Variants in ARHGAP31 observed in about 807,000 individuals in gnomAD.
ARHGAP31 encodes Rho GTPase activating protein 31.
In ARHGAP31, 34 loss-of-function variants were observed where a neutral mutation model predicts 113.9. That is an observed-to-expected ratio of 0.30 (90% CI 0.23 to 0.40). The LOEUF is 0.40. Among genes scored for constraint, ARHGAP31 ranks in the 10% least tolerant of loss-of-function variants. The pLI is 1.00. For missense variants in ARHGAP31, 1,548 were observed against 1,767.1 expected (o/e 0.88, Z 2.22); for synonymous variants, 650 against 684.8 (o/e 0.95, Z 0.79).
chr3:119,407,850 G>A (rs546762180), intron 10 of ARHGAP31, among the ~76,000 whole-genome samples: 103 of 152,230 alleles, frequency 6.8e-4, no homozygotes, highest in Middle Eastern at 3.4e-3. Flanking sequence ...TATATACAGT[G>A]GGCCCTCGAC....
intron 1 of ARHGAP31, among the ~76,000 whole-genome samples, chr3:119,357,468 G>C (rs922857139): frequency 8.5e-5 from 13 of 152,118 alleles, no homozygotes; most frequent in African/African-American, 3.1e-4. Context: ...CTGGCAGGGG[G>C]GAGTGTGGCC....
intron 1 of ARHGAP31, among the ~76,000 whole-genome samples, chr3:119,336,828 C>T (rs577505339): frequency 1.5e-4 from 23 of 152,338 alleles, no homozygotes; most frequent in African/African-American, 4.6e-4. Flanking sequence ...TTCCCACCTA[C>T]TCTCCCGGCC....
chr3:119,388,164 G>A (rs2080469438), intron 6 of ARHGAP31, among the ~76,000 whole-genome samples: 1 of 151,966 alleles, frequency 6.6e-6, no homozygotes, highest in Non-Finnish European at 1.5e-5. Context: ...ATGAGTTATG[G>A]GTGTTGGGAG....
chr3:119,396,303 G>C (rs2080550027), intron 8 of ARHGAP31, among the ~76,000 whole-genome samples: 1 of 152,188 alleles, frequency 6.6e-6, no homozygotes, highest in Non-Finnish European at 1.5e-5. Flanking sequence ...CTGAGTATTG[G>C]TAATTTTCTA....
intron 1 of ARHGAP31, among the ~76,000 whole-genome samples, chr3:119,318,151 C>T (rs2079750785): frequency 6.6e-6 from 1 of 152,032 alleles, no homozygotes; most frequent in Non-Finnish European, 1.5e-5. Flanking sequence ...ATGCCTGTGT[C>T]CCCAGCTACT....
intron 1 of ARHGAP31, among the ~76,000 whole-genome samples, chr3:119,310,566 A>C (rs2079670537): frequency 6.6e-6 from 1 of 152,204 alleles, no homozygotes; most frequent in Admixed American, 6.5e-5. Context: ...TAGGAGCGCC[A>C]ATCCTATTGT....
At position 119,361,803 on chromosome 3, in the gene ARHGAP31, T is replaced by C. The variant is rs150857431; in HGVS notation, c.101-3513T>C. Among the ~76,000 whole-genome samples, 36 of 152,272 alleles carry C rather than the reference T, an allele frequency of 2.4e-4. No homozygotes were observed. The East Asian group carries it at 6.6e-3, about 28-fold the overall frequency. ...CTAGAGCTGGATGATTACACAGAGA[T>C]TGAGTCCTTTCCCATTACTGAGTAA... On this transcript the variant is annotated intron_variant, in intron 1 of 11. Transcript: ENST00000264245.
At chr3:119,315,815 G>A (rs1428381246) in intron 1 of ARHGAP31, among the ~76,000 whole-genome samples, 1 of 152,194 alleles carries the variant, frequency 6.6e-6, no homozygotes, top group Non-Finnish European at 1.5e-5. Context: ...ATTTTATTTG[G>A]TTTGTAAAAG....
intron 6 of ARHGAP31, 27 bp from the exon 7 acceptor site, chr3:119,390,758 C>T: frequency 3.7e-6 from 6 of 1,608,370 alleles, no homozygotes; most frequent in Non-Finnish European, 5.1e-6. Flanking sequence ...CCTCCTCCAA[C>T]ACTGAGCTCT....
At chr3:119,335,990 T>C (rs1197108240) in intron 1 of ARHGAP31, among the ~76,000 whole-genome samples, 1 of 152,126 alleles carries the variant, frequency 6.6e-6, no homozygotes, top group Non-Finnish European at 1.5e-5. Flanking sequence ...CTAGACATCA[T>C]GGTGAAATCC....
intron 3 of ARHGAP31, among the ~76,000 whole-genome samples, chr3:119,370,874 A>G (rs929429135): frequency 6.6e-6 from 1 of 152,178 alleles, no homozygotes; most frequent in African/African-American, 2.4e-5. Flanking sequence ...AAATCATGGA[A>G]GTAGATTTGC....
chr3:119,345,678 T>G (rs564955381), intron 1 of ARHGAP31, among the ~76,000 whole-genome samples: 116 of 152,236 alleles, frequency 7.6e-4, no homozygotes, highest in Non-Finnish European at 1.4e-3. Context: ...CAAAGGAAGC[T>G]GGGAAGCCTT....
Position 119,294,559 on chromosome 3 carries a change from C to T in ARHGAP31, c.-346C>T. 1 of 483,770 alleles carries T rather than the reference C, an allele frequency of 2.1e-6. No homozygotes were observed. The allele number at this position is 483,770 out of a possible 1,614,324, so 30.0% of individuals were successfully genotyped here. On this transcript the variant is annotated 5_prime_UTR_variant, in exon 1 of 12. Coordinates refer to ENST00000264245, the MANE Select transcript of ARHGAP31 (RefSeq NM_020754.4). ...TAGTAAGGGGTGGGGAGAGCTTGCC[C>T]TCCCTCTTAAGCTGAGGAGAAACAC...
chr3:119,318,002 G>C (rs6803331), intron 1 of ARHGAP31, among the ~76,000 whole-genome samples: 1 of 151,922 alleles, frequency 6.6e-6, no homozygotes, highest in Admixed American at 6.6e-5. Context: ...GTTTGTTCAC[G>C]GTTTTTAAAT....
intron 1 of ARHGAP31, among the ~76,000 whole-genome samples, chr3:119,360,736 A>G (rs1333982894): frequency 6.6e-6 from 1 of 152,230 alleles, no homozygotes; most frequent in Non-Finnish European, 1.5e-5. Context: ...TCCCTCAGAA[A>G]CCTCTTCAAG....
chr3:119,334,247 C>T (rs1056748840), intron 1 of ARHGAP31, among the ~76,000 whole-genome samples: 2 of 152,140 alleles, frequency 1.3e-5, no homozygotes, highest in South Asian at 2.1e-4. Context: ...GCCCCCACTC[C>T]AGCCCCCACC....
intron 7 of ARHGAP31, among the ~76,000 whole-genome samples, chr3:119,392,769 A>G (rs1358346529): frequency 2.6e-5 from 4 of 151,938 alleles, no homozygotes; most frequent in African/African-American, 7.3e-5. Context: ...GCAGGCTGCT[A>G]CTCTCCTCAG....
chr3:119,411,340 G>A (rs1007903467), intron 11 of ARHGAP31, among the ~76,000 whole-genome samples: 18 of 152,174 alleles, frequency 1.2e-4, no homozygotes, highest in African/African-American at 4.1e-4. Context: ...GAGAAAAGCT[G>A]GAGGTGTAGA....
chr3:119,319,000 G>A (rs755886536), intron 1 of ARHGAP31, among the ~76,000 whole-genome samples: 2 of 151,922 alleles, frequency 1.3e-5, no homozygotes, highest in Non-Finnish European at 2.9e-5. Flanking sequence ...CAACGCTGCT[G>A]GTCTAGTCTA....
Sources: gnomAD v4.1 joint callset for allele counts (sites outside exome capture counted in the v4.1 genomes callset) on GRCh38, gnomAD v4.1.1 for gene constraint, MANE v1.5 for transcripts, NCBI Gene and HGNC (gene_info 2026-07-23, HGNC 2026-07-21) for gene names.